TECTA: variants seen among roughly 807,000 people sequenced by gnomAD.
TECTA encodes tectorin alpha.
In TECTA, 128 loss-of-function variants were observed where a neutral mutation model predicts 216.8. The observed-to-expected ratio is 0.59, with a 90% CI of 0.51 to 0.68. TECTA has a LOEUF of 0.68. TECTA is among the 30% of genes least tolerant of loss of function. TECTA has a pLI of 0.00. For synonymous variants in TECTA, 1,089 were observed against 1,117.1 expected, an observed-to-expected ratio of 0.97 and a Z score of 0.50; for missense variants, 2,551 against 2,786.2, an observed-to-expected ratio of 0.92 and a Z score of 1.90.
intron 14 of TECTA, 87 bp downstream of exon 14, chr11:121,158,311 A>G: frequency 6.5e-7 from 1 of 1,545,866 alleles, no homozygotes; most frequent in Admixed American, 1.7e-5. Context: ...CAGATAGCCA[A>G]GTTGTAGGAT....
chr11:121,190,986 A>C lies in TECTA; in HGVS notation c.*180A>C. On this transcript the variant is annotated 3_prime_UTR_variant, in exon 24 of 24. Transcript: ENST00000392793. ...GCGACCATCCAAGCTCCTCTTTCAG[A>C]GTATGAAACGGGGCTTCTACAAGCC... 2 of 559,964 alleles carry C rather than the reference A, an allele frequency of 3.6e-6. No individual in the cohort carries two copies. Among genetic ancestry groups the C allele is most frequent in the South Asian group, 1.9e-5 (1 of 52,422 alleles). The allele number at this position is 559,964 out of a possible 1,614,324, so 34.7% of individuals were successfully genotyped here.
At position 121,125,804 on chromosome 11, in the gene TECTA, A is replaced by G. The variant is rs1421553970; in HGVS notation, c.1706A>G (p.Gln569Arg). The change falls in exon 8 of 24, where the codon CAG becomes CGG. Residue 569 changes from glutamine (Q) to arginine (R), a missense_variant. Around this residue, in one of 3 missense-constraint regions of TECTA, gnomAD observed 2,375 missense variants for 2,563.9 expected, o/e 0.93. Coordinates refer to ENST00000392793, the MANE Select transcript of TECTA (RefSeq NM_005422.4). The stretch of plus-strand genomic sequence containing the variant: ...GGCACGCTCCTCTGCCAAGCCATCC[A>G]GGCCTATGCTCTTGTGTGCCAAGCC... ...DNGTLLCQAI[Q>R]AYALVCQALG... is the part of the protein sequence containing the mutation. 3.1e-6 allele frequency: 5 copies of G among 1,614,018 alleles called. No homozygotes were observed. In the Admixed American group the frequency reaches 6.7e-5, roughly 22 times the overall value.
At chr11:121,172,402 T>C (rs1258988984) in intron 20 of TECTA, among the ~76,000 whole-genome samples, 2 of 151,732 alleles carry the variant, frequency 1.3e-5, no homozygotes, top group South Asian at 2.1e-4. Flanking sequence ...TGTGTTCTCA[T>C]TGTCCAGTTC....
intron 20 of TECTA, among the ~76,000 whole-genome samples, chr11:121,174,738 A>G (rs9737538): frequency 0.27 from 40,428 of 151,542 alleles, 6,705 homozygotes; most frequent in African/African-American, 0.47. Flanking sequence ...CTCTTTTTCT[A>G]TTGATTGGAA....
At position 121,129,946 on chromosome 11, in the gene TECTA, G is replaced by A; in HGVS notation, c.2676G>A (p.Leu892=). The A allele has an allele frequency of 6.2e-7, 1 of 1,608,454 alleles. No homozygotes were observed. The highest frequency in any genetic ancestry group is 8.5e-7 in the Non-Finnish European group (1 of 1,176,134). ...TCTGCAATGGAGAGTGTGGGGACCT[G>A]CTGAAGGCCTGCAACAATGACTCGG... The part of the protein sequence containing the change: ...EEICNGECGD[L]LKACNNDSEL... The change falls in exon 10 of 24, where the codon CTG becomes CTA. Residue 892 remains leucine, a synonymous_variant. Transcript: ENST00000392793.
intron 11 of TECTA, among the ~76,000 whole-genome samples, chr11:121,141,281 G>A (rs981318099): frequency 1.3e-5 from 2 of 152,194 alleles, no homozygotes; most frequent in African/African-American, 4.8e-5. Context: ...ATGGCCATCA[G>A]GATGACAGTG....
chr11:121,118,543 C>T lies in TECTA; in HGVS notation c.1028C>T (p.Ser343Phe), dbSNP rs201086820. The change falls in exon 7 of 24, where the codon TCC (serine) becomes TTC (phenylalanine). Residue 343 changes from serine (S) to phenylalanine (F), a missense_variant. Physicochemically the swap from Ser to Phe is radical, Grantham distance 155. Around this residue, in one of 3 missense-constraint regions of TECTA, gnomAD observed 2,375 missense variants for 2,563.9 expected, o/e 0.93. Transcript: ENST00000392793. ...FDGFLFHFQG[S>F]CAYLLARQCL... Reference sequence around the variant, plus strand: ...GGCTTCCTCTTCCACTTCCAAGGCTCCTGTGCCTACTTGCTGGCCCGACAG... The same window carrying T: ...GGCTTCCTCTTCCACTTCCAAGGCTTCTGTGCCTACTTGCTGGCCCGACAG... 10 of 1,614,046 alleles carry T rather than the reference C, an allele frequency of 6.2e-6. No individual in the cohort carries two copies. The African/African-American group carries it at 8.0e-5, about 13-fold the overall frequency.
chr11:121,170,114 C>T lies in TECTA; in HGVS notation c.5999+1189C>T, dbSNP rs1947096162. Among the ~76,000 whole-genome samples the T allele has an allele frequency of 2.6e-5, 4 of 152,282 alleles. No individual in the cohort carries two copies. In the South Asian group the frequency reaches 8.3e-4, roughly 32 times the overall value. On this transcript the variant is annotated intron_variant, in intron 20 of 23. Coordinates refer to ENST00000392793, the MANE Select transcript of TECTA (RefSeq NM_005422.4). Reference sequence around the variant, plus strand: ...GTGAGAACCTGAGATATTTGTCTTTCCCTGCCTGGCTTATTTCACTTAACA... The same window carrying T: ...GTGAGAACCTGAGATATTTGTCTTTTCCTGCCTGGCTTATTTCACTTAACA...
At chr11:121,120,657 G>A (rs958462768) in intron 7 of TECTA, among the ~76,000 whole-genome samples, 2 of 152,218 alleles carry the variant, frequency 1.3e-5, no homozygotes, top group Non-Finnish European at 2.9e-5. Flanking sequence ...TTTCCCCACT[G>A]AACTGTTCTC....
chr11:121,159,459 A>G (rs943223542), intron 14 of TECTA, among the ~76,000 whole-genome samples: 1 of 152,218 alleles, frequency 6.6e-6, no homozygotes, highest in Non-Finnish European at 1.5e-5. Context: ...TTAAGGTATA[A>G]AAGCTACTAA....
Position 121,168,599 on chromosome 11 carries a change from T to C in TECTA, c.5751-78T>C, listed in dbSNP as rs1298916601. On this transcript the variant is annotated intron_variant, in intron 19 of 23. Transcript: ENST00000392793. ...TACGTGCTTTGCTTTCCCTCTGCATTCTCAGCCTGAAAAATGGTAGGTAAT... is the reference window on the plus strand; with the variant it reads ...TACGTGCTTTGCTTTCCCTCTGCATCCTCAGCCTGAAAAATGGTAGGTAAT... 4 of 1,611,612 alleles carry C rather than the reference T, an allele frequency of 2.5e-6. No homozygotes were observed. In the African/African-American group the frequency reaches 4.0e-5, roughly 16 times the overall value.
intron 20 of TECTA, among the ~76,000 whole-genome samples, chr11:121,169,754 A>G (rs1305609548): frequency 6.6e-6 from 1 of 152,180 alleles, no homozygotes; most frequent in Non-Finnish European, 1.5e-5. Context: ...ACATTTACAT[A>G]TTTATGGAAT....
intron 7 of TECTA, among the ~76,000 whole-genome samples, chr11:121,120,794 C>T (rs186099690): frequency 8.1e-4 from 123 of 152,364 alleles, no homozygotes; most frequent in South Asian, 1.5e-3. Context: ...TTCTTCCCCG[C>T]GTGAACACGA....
intron 20 of TECTA, among the ~76,000 whole-genome samples, chr11:121,178,008 C>A (rs185094150): frequency 1.3e-5 from 2 of 152,170 alleles, no homozygotes; most frequent in Non-Finnish European, 2.9e-5. Context: ...TCTCCTGATG[C>A]GCTGTTTTTT....
chr11:121,132,400 C>A (rs910056959), intron 10 of TECTA, among the ~76,000 whole-genome samples: 5 of 152,188 alleles, frequency 3.3e-5, no homozygotes, highest in Admixed American at 2.0e-4. Flanking sequence ...GTACTCCGGG[C>A]TCATCTTGTA....
chr11:121,137,507 G>A lies in TECTA; in HGVS notation c.3028G>A (p.Val1010Met), dbSNP rs369236009. Residue 1010 changes from valine to methionine, a missense_variant, in exon 11 of 24, where the codon GTG becomes ATG. Around this residue, in one of 3 missense-constraint regions of TECTA, gnomAD observed 2,375 missense variants for 2,563.9 expected, o/e 0.93. Transcript: ENST00000392793. ...GACCCTTACCCTGGGCCCCATCTGC[G>A]TGGATAGCTGCTCTGAGGGATGTCA... ...CETLTLGPIC[V>M]DSCSEGCQCD... The A allele has an allele frequency of 1.5e-5, 25 of 1,613,818 alleles. No homozygotes were observed. The highest frequency in any genetic ancestry group is 5.3e-5 in the African/African-American group (4 of 74,852).
At position 121,168,067 on chromosome 11, in the gene TECTA, A is replaced by G; in HGVS notation, c.5600A>G (p.His1867Arg). Residue 1867 changes from histidine (H) to arginine (R), a missense_variant, in exon 19 of 24, where the codon CAT (histidine) becomes CGT (arginine). His to Arg is a conservative substitution (Grantham distance 29, BLOSUM62 0). Around this residue, in one of 3 missense-constraint regions of TECTA, gnomAD observed 2,375 missense variants for 2,563.9 expected, o/e 0.93. Transcript: ENST00000392793. Reference sequence around the variant, plus strand: ...CTTGTTCTGCAGTCCAATGGCACGCATATCATGTATAAAAACACACTCTGG... The same window carrying G: ...CTTGTTCTGCAGTCCAATGGCACGCGTATCATGTATAAAAACACACTCTGG... ...CGNIVQSNGT[H>R]IMYKNTLWIE... is the part of the protein sequence containing the mutation. 1 of 1,614,206 alleles carries G rather than the reference A, an allele frequency of 6.2e-7. No individual in the cohort carries two copies. Among genetic ancestry groups the G allele is most frequent in the Non-Finnish European group, 8.5e-7 (1 of 1,180,024 alleles).
chr11:121,130,939 G>T (rs908951080), intron 10 of TECTA, among the ~76,000 whole-genome samples: 1 of 149,644 alleles, frequency 6.7e-6, no homozygotes, highest in South Asian at 2.1e-4. Context: ...CCCCGGCCGG[G>T]CATGGTGGCT....
intron 15 of TECTA, among the ~76,000 whole-genome samples, chr11:121,160,963 G>C (rs1422839781): frequency 6.6e-6 from 1 of 152,218 alleles, no homozygotes; most frequent in Non-Finnish European, 1.5e-5. Context: ...AGCTAAAGAA[G>C]TTATTCCAAA....
Sources: allele counts gnomAD v4.1 joint callset (sites outside exome capture counted in the v4.1 genomes callset), GRCh38; gene constraint gnomAD v4.1.1; regional missense constraint gnomAD v4.1.1; transcripts MANE v1.5; gene names NCBI Gene and HGNC (gene_info 2026-07-23, HGNC 2026-07-21).